PRKCE: variants seen among roughly 807,000 people sequenced by gnomAD.
PRKCE encodes the protein protein kinase C epsilon type.
In PRKCE, 16 loss-of-function variants were observed where a neutral mutation model predicts 85.4. The ratio of observed to expected loss-of-function variants is 0.19; its 90% CI spans 0.13 to 0.28. PRKCE has a LOEUF of 0.28. Ranked by LOEUF, PRKCE falls within the 10% of genes least tolerant of loss-of-function variation. PRKCE has a pLI of 1.00. For missense variants in PRKCE, 573 were observed against 975.2 expected (o/e 0.59, Z 5.49); for synonymous variants, 388 against 371.5 (o/e 1.04, Z -0.51).
At chr2:45,761,560 A>G (rs1488088173) in intron 1 of PRKCE, among the ~76,000 whole-genome samples, 1 of 151,968 alleles carries the variant, frequency 6.6e-6, no homozygotes, top group Non-Finnish European at 1.5e-5. Context: ...ATATTCTCTC[A>G]AGCCCCCAGC....
chr2:45,978,887 G>T, intron 3 of PRKCE, 89 bp from the exon 4 acceptor site: 2 of 1,090,532 alleles, frequency 1.8e-6, no homozygotes, highest in Non-Finnish European at 2.8e-6. Flanking sequence ...TGCTATGTGG[G>T]TGGTGGCCCA....
At chr2:45,682,435 TA>T (rs199988878) in intron 1 of PRKCE, among the ~76,000 whole-genome samples, 48 of 151,466 alleles carry the variant, frequency 3.2e-4, no homozygotes, top group East Asian at 9.7e-4. Context: ...TTTATTTATT[TA>T]TTTTTTTTGA....
chr2:45,963,065 A>G (rs1014744080), intron 2 of PRKCE, among the ~76,000 whole-genome samples: 3 of 152,114 alleles, frequency 2.0e-5, no homozygotes, highest in Non-Finnish European at 2.9e-5. Context: ...TTGTTCACCT[A>G]TATGAAGCTT....
At chr2:45,887,542 C>A (rs1335806244) in intron 2 of PRKCE, among the ~76,000 whole-genome samples, 1 of 152,044 alleles carries the variant, frequency 6.6e-6, no homozygotes, top group Non-Finnish European at 1.5e-5. Flanking sequence ...AGAACTAGAC[C>A]ACCAAGAAAG....
chr2:45,896,719 C>G (rs997265932), intron 2 of PRKCE, among the ~76,000 whole-genome samples: 5 of 152,168 alleles, frequency 3.3e-5, no homozygotes, highest in African/African-American at 9.7e-5. Flanking sequence ...ATTGAATATG[C>G]TCTCCTGAGT....
intron 2 of PRKCE, among the ~76,000 whole-genome samples, chr2:45,879,272 G>C (rs1694706049): frequency 6.6e-6 from 1 of 152,226 alleles, no homozygotes; most frequent in African/African-American, 2.4e-5. Context: ...AGGATGGCCA[G>C]ACTTCAGGGG....
At chr2:46,114,646 C>G (rs533918169) in intron 11 of PRKCE, among the ~76,000 whole-genome samples, 161 of 151,930 alleles carry the variant, frequency 1.1e-3, no homozygotes, top group Non-Finnish European at 2.1e-3. Flanking sequence ...GTCTCGATCT[C>G]CTGACCTCGT....
intron 11 of PRKCE, among the ~76,000 whole-genome samples, chr2:46,089,500 A>AAC (rs1236353951): frequency 1.3e-5 from 2 of 152,128 alleles, no homozygotes; most frequent in Non-Finnish European, 2.9e-5. Context: ...ATTCTTCTAA[A>AAC]ACACAGACTG....
chr2:46,157,394 A>G (rs906821962), intron 13 of PRKCE, among the ~76,000 whole-genome samples: 7 of 152,068 alleles, frequency 4.6e-5, no homozygotes, highest in African/African-American at 4.8e-5. Context: ...ACTAGGGGCA[A>G]TTTTGTCCTG....
chr2:46,013,243 T>A (rs1281798306), intron 10 of PRKCE, among the ~76,000 whole-genome samples: 2 of 152,328 alleles, frequency 1.3e-5, no homozygotes, highest in East Asian at 3.9e-4. Context: ...TATCATAGTT[T>A]TAAAGAGTAG....
At chr2:45,656,437 G>T (rs945232743) in intron 1 of PRKCE, among the ~76,000 whole-genome samples, 1 of 152,200 alleles carries the variant, frequency 6.6e-6, no homozygotes, top group Non-Finnish European at 1.5e-5. Flanking sequence ...AATGAGAGAT[G>T]TTTCAGTTGT....
intron 1 of PRKCE, among the ~76,000 whole-genome samples, chr2:45,676,425 C>G (rs184125100): frequency 6.6e-6 from 1 of 152,296 alleles, no homozygotes; most frequent in South Asian, 2.1e-4. Context: ...GGATACAGAG[C>G]CTTTTCCTCT....
chr2:45,987,031 T>C (rs765641885), intron 6 of PRKCE, among the ~76,000 whole-genome samples: 1 of 44,246 alleles, frequency 2.3e-5, no homozygotes. Flanking sequence ...CTGATGTCTG[T>C]TTTTTTTTTT....
intron 1 of PRKCE, among the ~76,000 whole-genome samples, chr2:45,685,942 T>C (rs1019038190): frequency 6.6e-6 from 1 of 152,186 alleles, no homozygotes; most frequent in African/African-American, 2.4e-5. Context: ...AATAGACAAA[T>C]GATAGCTTAG....
At chr2:46,044,925 G>A (rs556832761) in intron 10 of PRKCE, among the ~76,000 whole-genome samples, 3 of 152,268 alleles carry the variant, frequency 2.0e-5, no homozygotes, top group South Asian at 2.1e-4. Flanking sequence ...TATGTTACAT[G>A]TTTGTATCTT....
intron 9 of PRKCE, 56 bp downstream of exon 9, chr2:46,007,717 T>C (rs1705327839): frequency 1.3e-6 from 2 of 1,540,044 alleles, no homozygotes; most frequent in Admixed American, 3.6e-5. Flanking sequence ...TAGCATTGTT[T>C]CGTCTGTTTG....
intron 1 of PRKCE, among the ~76,000 whole-genome samples, chr2:45,732,578 G>A (rs1681671734): frequency 6.6e-6 from 1 of 152,020 alleles, no homozygotes; most frequent in Non-Finnish European, 1.5e-5. Context: ...TAGTAGTAGT[G>A]GTAACAATAA....
intron 2 of PRKCE, among the ~76,000 whole-genome samples, chr2:45,894,606 G>A (rs933521591): frequency 2.0e-5 from 3 of 152,082 alleles, no homozygotes; most frequent in African/African-American, 7.2e-5. Context: ...TGGAGTGGAC[G>A]TGAGGATGTG....
intron 10 of PRKCE, among the ~76,000 whole-genome samples, chr2:46,033,339 C>G (rs1188937189): frequency 2.0e-5 from 3 of 152,184 alleles, no homozygotes; most frequent in Admixed American, 6.5e-5. Context: ...CCTTGGCATT[C>G]ATAGCAGAAC....
Sources: allele counts gnomAD v4.1 joint callset (sites outside exome capture counted in the v4.1 genomes callset), GRCh38; gene constraint gnomAD v4.1.1; transcripts MANE v1.5; gene names NCBI Gene and HGNC (gene_info 2026-07-23, HGNC 2026-07-21).